ROBO2: variants seen among roughly 807,000 people sequenced by gnomAD.
ROBO2 encodes roundabout homolog 2.
ROBO2 carries 53 observed loss-of-function variants against 160.8 expected under a neutral mutation model. The ratio of observed to expected loss-of-function variants is 0.33; its 90% confidence interval spans 0.26 to 0.41. ROBO2 has a LOEUF of 0.41. Among genes scored for constraint, ROBO2 ranks in the 10% least tolerant of loss-of-function variants. The probability of loss-of-function intolerance (pLI) is 1.00; values close to 1 mark genes in which losing one functional copy is unlikely to be tolerated. For synonymous variants in ROBO2, 664 were observed against 611.7 expected (o/e 1.09, Z -1.26); for missense variants, 1,577 against 1,722.4 (o/e 0.92, Z 1.49).
intron 2 of ROBO2, among the ~76,000 whole-genome samples, chr3:76,408,199 G>A (rs2075309555): frequency 6.6e-6 from 1 of 152,112 alleles, no homozygotes; most frequent in Admixed American, 6.5e-5. Flanking sequence ...GCTTAATTCA[G>A]ACATTGATGC....
At chr3:77,600,418 G>C (rs1405398205) in intron 19 of ROBO2, among the ~76,000 whole-genome samples, 13 of 152,178 alleles carry the variant, frequency 8.5e-5, no homozygotes, top group African/African-American at 2.9e-4. Flanking sequence ...AGGGAGAGGA[G>C]AGATTCAATT....
At chr3:76,637,290 A>G (rs1337343228) in intron 2 of ROBO2, among the ~76,000 whole-genome samples, 1 of 152,078 alleles carries the variant, frequency 6.6e-6, no homozygotes, top group Non-Finnish European at 1.5e-5. Context: ...AGGAGCTTCA[A>G]ATTTGAGCTG....
intron 2 of ROBO2, among the ~76,000 whole-genome samples, chr3:77,439,305 A>G (rs182938811): frequency 2.0e-5 from 3 of 152,020 alleles, no homozygotes; most frequent in African/African-American, 7.2e-5. Flanking sequence ...TGCTTTATCA[A>G]CTTTGCTCAG....
At chr3:75,936,024 A>G (rs201336050) in intron 1 of ROBO2, among the ~76,000 whole-genome samples, 1 of 152,232 alleles carries the variant, frequency 6.6e-6, no homozygotes, top group Non-Finnish European at 1.5e-5. Context: ...GGCATTTAGC[A>G]CAGTAAAATA....
intron 2 of ROBO2, among the ~76,000 whole-genome samples, chr3:77,415,142 A>T (rs1299417660): frequency 6.6e-6 from 1 of 152,214 alleles, no homozygotes; most frequent in African/African-American, 2.4e-5. Context: ...GTTGTTTGTA[A>T]GTGCAGAAAT....
intron 2 of ROBO2, among the ~76,000 whole-genome samples, chr3:76,274,054 T>C (rs1178907498): frequency 6.6e-6 from 1 of 152,134 alleles, no homozygotes; most frequent in Non-Finnish European, 1.5e-5. Context: ...CATGAAAGGA[T>C]CTAATCACTT....
At chr3:77,640,297 T>C (rs1336694042) in intron 24 of ROBO2, among the ~76,000 whole-genome samples, 1 of 152,050 alleles carries the variant, frequency 6.6e-6, no homozygotes, top group Non-Finnish European at 1.5e-5. Flanking sequence ...GTATTTTTAG[T>C]AGAGACGGGG....
intron 20 of ROBO2, 66 bp downstream of exon 21, chr3:77,602,557 T>C: frequency 6.4e-7 from 1 of 1,574,606 alleles, no homozygotes. Flanking sequence ...TAGAAATTAG[T>C]ATTTGTTGTT....
At chr3:76,583,891 A>G (rs1294962763) in intron 2 of ROBO2, among the ~76,000 whole-genome samples, 1 of 152,214 alleles carries the variant, frequency 6.6e-6, no homozygotes, top group South Asian at 2.1e-4. Flanking sequence ...TTTCTCTATT[A>G]TCATTGCGAT....
chr3:76,175,166 T>C (rs1028305730), intron 2 of ROBO2, among the ~76,000 whole-genome samples: 3 of 152,056 alleles, frequency 2.0e-5, no homozygotes, highest in Admixed American at 1.3e-4. Flanking sequence ...TCTGCTTGTC[T>C]ATTATTGGTG....
At chr3:77,341,886 T>G (rs2067102647) in intron 2 of ROBO2, among the ~76,000 whole-genome samples, 1 of 151,998 alleles carries the variant, frequency 6.6e-6, no homozygotes, top group Non-Finnish European at 1.5e-5. Flanking sequence ...TCTTTTCATG[T>G]TGGCATTTAT....
chr3:77,589,014 C>T (rs189577638), intron 17 of ROBO2, 81 bp downstream of exon 18: 6 of 1,520,148 alleles, frequency 3.9e-6, no homozygotes, highest in South Asian at 3.4e-5. Context: ...AAAGGAATAA[C>T]AAATGAGTGA....
At chr3:76,928,194 G>A (rs957712926) in intron 2 of ROBO2, among the ~76,000 whole-genome samples, 1 of 152,090 alleles carries the variant, frequency 6.6e-6, no homozygotes, top group African/African-American at 2.4e-5. Flanking sequence ...TAACATTGTT[G>A]GCTTTGAATA....
chr3:77,298,082 C>A (rs1359597622), intron 2 of ROBO2, among the ~76,000 whole-genome samples: 2 of 152,042 alleles, frequency 1.3e-5, no homozygotes, highest in Non-Finnish European at 2.9e-5. Flanking sequence ...GTCATTGGAT[C>A]CATCAAAGGA....
intron 2 of ROBO2, among the ~76,000 whole-genome samples, chr3:76,015,070 G>A (rs1387723336): frequency 6.6e-6 from 1 of 152,104 alleles, no homozygotes; most frequent in Non-Finnish European, 1.5e-5. Context: ...ACCTGTTATA[G>A]TCCAGTCTTC....
At chr3:77,116,222 A>C (rs2150223897) in intron 2 of ROBO2, among the ~76,000 whole-genome samples, 1 of 152,308 alleles carries the variant, frequency 6.6e-6, no homozygotes, top group East Asian at 1.9e-4. Context: ...TGGTCTTTAT[A>C]ATCACATAGC....
intron 2 of ROBO2, among the ~76,000 whole-genome samples, chr3:77,106,022 T>G (rs895259595): frequency 6.6e-6 from 1 of 152,114 alleles, no homozygotes; most frequent in Non-Finnish European, 1.5e-5. Flanking sequence ...GATTTTGAAT[T>G]TATTTCTTAC....
chr3:77,072,472 G>A (rs1475655747), intron 1 of ROBO2, among the ~76,000 whole-genome samples: 1 of 152,110 alleles, frequency 6.6e-6, no homozygotes, highest in African/African-American at 2.4e-5. Context: ...ACTGACCAAG[G>A]CCTTTTGCAT....
intron 2 of ROBO2, among the ~76,000 whole-genome samples, chr3:76,896,774 T>G (rs1459097457): frequency 6.6e-6 from 1 of 152,206 alleles, no homozygotes; most frequent in Non-Finnish European, 1.5e-5. Flanking sequence ...ATTACAATTT[T>G]CCTAATAATT....
Sources: allele counts gnomAD v4.1 joint callset (sites outside exome capture counted in the v4.1 genomes callset), GRCh38; gene constraint gnomAD v4.1.1; transcripts MANE v1.5; gene names NCBI Gene and HGNC (gene_info 2026-07-23, HGNC 2026-07-21).